The following PER2 variants were observed in gnomAD, a reference collection of about 807,000 sequenced individuals.
The protein encoded by PER2 is period circadian protein homolog 2.
Under a neutral mutation model 121.0 loss-of-function variants are expected in PER2, and 66 were observed. The observed-to-expected ratio is 0.55, with a 90% confidence interval of 0.45 to 0.67. The LOEUF is 0.67. PER2 is among the 30% of genes least tolerant of loss of function. PER2 has a pLI of 0.00. For missense variants in PER2, 1,521 were observed against 1,635.0 expected, an observed-to-expected ratio of 0.93 and a Z score of 1.20; for synonymous variants, 684 against 659.9, an observed-to-expected ratio of 1.04 and a Z score of -0.56.
rs1250583114 is a variant in PER2, at chr2:238,244,836, A to C, written c.*1539T>G. On this transcript the variant is annotated 3_prime_UTR_variant, in exon 23 of 23. Transcript: ENST00000254657. The stretch of plus-strand genomic sequence containing the variant: ...CGAGGTGGGTGGATCGCTTGAGGTC[A>C]GGAGTTCGAGACCAGCCTGGCCAAC... The C allele has an allele frequency of 1.3e-5, 2 of 151,942 alleles. No individual in the cohort carries two copies. The highest frequency in any genetic ancestry group is 4.8e-5 in the African/African-American group (2 of 41,378). 9.4% of individuals were successfully genotyped at this position (151,942 alleles called of 1,614,324 possible).
In PER2 at chr2:238,274,453, A is replaced by AG. The variant is rs1378695547; in HGVS notation, c.449-1263dup. On this transcript the variant is annotated intron_variant, in intron 4 of 22. Coordinates refer to ENST00000254657, the MANE Select transcript of PER2 (RefSeq NM_022817.3). ...ATATGCTTTCAGTTTTGCCACCTTCAGTAATTTCAGAAACAGGCACATTTC... is the reference window on the plus strand; with the variant it reads ...ATATGCTTTCAGTTTTGCCACCTTCAGGTAATTTCAGAAACAGGCACATTTC... 5.3e-5 allele frequency among the ~76,000 whole-genome samples: 8 copies of AG among 152,372 alleles called. No homozygotes were observed. In the East Asian group the frequency reaches 1.5e-3, roughly 29 times the overall value.
chr2:238,277,280 C>T (rs1016685543), intron 2 of PER2, 87 bp from the exon 3 acceptor site: 1 of 887,996 alleles, frequency 1.1e-6, no homozygotes, highest in African/African-American at 1.6e-5. Context: ...TGATAACAGG[C>T]TAGATAATAC....
At chr2:238,278,567 T>C (rs1696531766) in intron 1 of PER2, among the ~76,000 whole-genome samples, 1 of 152,160 alleles carries the variant, frequency 6.6e-6, no homozygotes. Flanking sequence ...TGTGGGGTGC[T>C]GGGAAAAACA....
At chr2:238,262,083 G>A in intron 11 of PER2, 108 bp downstream of exon 11, 2 of 1,144,080 alleles carry the variant, frequency 1.7e-6, no homozygotes, top group South Asian at 1.2e-5. Flanking sequence ...CAAGGTTTCG[G>A]TCTTGGCCTC....
chr2:238,250,810 T>C, intron 20 of PER2, 67 bp from the exon 21 acceptor site: 2 of 1,128,130 alleles, frequency 1.8e-6, no homozygotes, highest in African/African-American at 1.5e-5. Flanking sequence ...CATAATGTGC[T>C]TCCTCAAAGT....
At chr2:238,261,027 AC>A in intron 12 of PER2, 74 bp from the exon 13 acceptor site, 2 of 1,558,406 alleles carry the variant, frequency 1.3e-6, no homozygotes, top group Non-Finnish European at 1.7e-6. Flanking sequence ...CTGCCAACAC[AC>A]CCTGTTTCGC....
upstream of PER2, among the ~76,000 whole-genome samples, chr2:238,291,742 C>G (rs534279733): frequency 1.3e-5 from 2 of 152,288 alleles, no homozygotes; most frequent in South Asian, 4.1e-4. Flanking sequence ...GGTGGCAGCT[C>G]CTGGCAGGGA....
In PER2 at chr2:238,261,031, T is replaced by A. The variant is rs955420489; in HGVS notation, c.1417-78A>T. The A allele has an allele frequency of 3.2e-6, 5 of 1,547,662 alleles. No individual in the cohort carries two copies. The African/African-American group carries it at 6.8e-5, about 21-fold the overall frequency. ...CATGTGGCCCCCTGCCAACACACCC[T>A]GTTTCGCAGAGAGGATGGCGACCCG... On this transcript the variant is annotated intron_variant, in intron 12 of 22. Coordinates refer to ENST00000254657, the MANE Select transcript of PER2 (RefSeq NM_022817.3).
intron 1 of PER2, among the ~76,000 whole-genome samples, chr2:238,279,239 A>C (rs1696554629): frequency 6.6e-6 from 1 of 152,186 alleles, no homozygotes; most frequent in Admixed American, 6.5e-5. Context: ...CCTGCTTGAC[A>C]CAAGTGGTCA....
intron 22 of PER2, chr2:238,247,644 C>T (rs1459037469): frequency 6.6e-6 from 1 of 152,212 alleles, no homozygotes. Flanking sequence ...GGGTCTATTT[C>T]AGGAAAAAGG....
In PER2 at chr2:238,262,343, G is replaced by C. The variant is rs1004746560; in HGVS notation, c.1155C>G (p.Ile385Met). The change falls in exon 11 of 23, where the codon ATC (isoleucine) becomes ATG (methionine). Residue 385 changes from isoleucine to methionine, a missense_variant and splice_region_variant. Coordinates refer to ENST00000254657, the MANE Select transcript of PER2 (RefSeq NM_022817.3). ...CGAAAGGCTGCCCGCCTGACTGCAGGACTAGGAGAGCAAAAGCCAGCATTC... is the reference window on the plus strand; with the variant it reads ...CGAAAGGCTGCCCGCCTGACTGCAGCACTAGGAGAGCAAAAGCCAGCATTC... The part of the protein sequence containing the change: ...RPLMLAIHKK[I>M]LQSGGQPFDY... 3 of 1,613,860 alleles carry C rather than the reference G, an allele frequency of 1.9e-6. No homozygotes were observed. The highest frequency in any genetic ancestry group is 1.3e-5 in the African/African-American group (1 of 74,902).
At chr2:238,255,498 TACAGAA>T in intron 18 of PER2, 153 bp downstream of exon 18, 2 of 793,960 alleles carry the variant, frequency 2.5e-6, no homozygotes, top group East Asian at 4.9e-5. Context: ...TGGGAAGTTC[TACAGAA>T]ACAGATGGCG....
rs757192410 is a variant in PER2, at chr2:238,259,976, G to A, written c.1620C>T (p.Ser540=). 39 of 1,413,746 alleles carry A rather than the reference G, an allele frequency of 2.8e-5. No homozygotes were observed. Among genetic ancestry groups the A allele is most frequent in the African/African-American group, 1.5e-4 (11 of 71,330 alleles). 87.6% of individuals were successfully genotyped at this position (1,413,746 alleles called of 1,614,324 possible). A position where few individuals can be genotyped will look rare whatever the true frequency, so the allele number is the denominator to read the frequency against. Residue 540 remains serine (S), a synonymous_variant, in exon 14 of 23, where the codon TCC becomes TCT. Transcript: ENST00000254657. ...SHESGEQKKK[S]VTEMQTNPPA... ...GAATATTTTTTTTTTTACCTGTAAC[G>A]GATTTTTTCTTTTGTTCTCCAGATT...
At position 238,253,811 on chromosome 2, in the gene PER2, G is replaced by T; in HGVS notation, c.2321-109C>A. The T allele has an allele frequency of 1.2e-6, 1 of 855,966 alleles. No individual in the cohort carries two copies. The highest frequency in any genetic ancestry group is 1.9e-6 in the Non-Finnish European group (1 of 529,554). 53.0% of individuals were successfully genotyped at this position (855,966 alleles called of 1,614,324 possible). On this transcript the variant is annotated intron_variant, in intron 18 of 22. Transcript: ENST00000254657. The surrounding 1 kb of genome is among the most constrained non-coding windows in gnomAD (Gnocchi z 5.6). ...CAAATGCTGGCCCAGGGCCTGCCTG[G>T]TCCACCGAGCGGTTTTCCCTGATCC...
chr2:238,277,191 G>C lies in PER2; in HGVS notation c.233C>G (p.Pro78Arg), dbSNP rs1324815416. Residue 78 changes from proline to arginine, a missense_variant and splice_region_variant, in exon 3 of 23, where the codon CCA becomes CGA. Coordinates refer to ENST00000254657, the MANE Select transcript of PER2 (RefSeq NM_022817.3). ...LVEPPDARQS[P>R]DTFSLMMAKS... ...TGCCATCATCAGGCTAAAGGTATCT[G>C]GACTATGAAAACAAAAAATAAAAGC... The C allele has an allele frequency of 6.2e-7, 1 of 1,610,562 alleles. No homozygotes were observed. The highest frequency in any genetic ancestry group is 1.1e-5 in the South Asian group (1 of 91,002).
At chr2:238,263,202 A>C (rs1230229154) in intron 9 of PER2, 144 bp from the exon 10 acceptor site, 2 of 667,640 alleles carry the variant, frequency 3.0e-6, no homozygotes, top group African/African-American at 4.0e-5. Flanking sequence ...AAGTTGGACT[A>C]ACAGAACCAG....
At chr2:238,255,984 G>T in intron 17 of PER2, 73 bp from the exon 18 acceptor site, 1 of 1,553,596 alleles carries the variant, frequency 6.4e-7, no homozygotes, top group South Asian at 1.1e-5. Context: ...CTATATTCAC[G>T]AACAAGACAA....
rs751184726 is a variant in PER2 at position 238,265,490 on chromosome 2, G to C, written c.1046+22C>G. The C allele has an allele frequency of 6.3e-5, 94 of 1,492,648 alleles. No individual in the cohort carries two copies. In the Middle Eastern group the frequency reaches 1.0e-3, roughly 16 times the overall value. 92.5% of individuals were successfully genotyped at this position (1,492,648 alleles called of 1,614,324 possible). A position where few individuals can be genotyped will look rare whatever the true frequency, so the allele number is the denominator to read the frequency against. On this transcript the variant is annotated intron_variant, in intron 9 of 22. Coordinates refer to ENST00000254657, the MANE Select transcript of PER2 (RefSeq NM_022817.3). ...CTTTTATATCAAAAACATGAAAAAG[G>C]GGGTGGGTCAAGACCACGTACCTTT... is the stretch of plus-strand genomic sequence containing the variant.
intron 6 of PER2, among the ~76,000 whole-genome samples, chr2:238,269,425 C>A (rs1270091040): frequency 1.4e-5 from 2 of 146,276 alleles, no homozygotes; most frequent in Non-Finnish European, 3.0e-5. Context: ...TAACCTGCAA[C>A]TGAACACACT....
Sources: gnomAD v4.1 joint callset for allele counts (sites outside exome capture counted in the v4.1 genomes callset) on GRCh38, gnomAD v4.1.1 for gene constraint, Gnocchi (gnomAD v3.1) non-coding constraint, MANE v1.5 for transcripts, NCBI Gene and HGNC (gene_info 2026-07-23, HGNC 2026-07-21) for gene names.